LMF1: variants seen among roughly 807,000 people sequenced by gnomAD.
The protein encoded by LMF1 is transmembrane protein 112.
In LMF1, 68 loss-of-function variants were observed where a neutral mutation model predicts 60.6. The observed-to-expected ratio is 1.12, with a 90% CI of 0.92 to 1.37. The LOEUF (loss-of-function observed/expected upper bound fraction) is 1.37, where lower values mean the gene tolerates loss of function less well. Ranked by LOEUF, LMF1 falls within the 40% of genes most tolerant of loss-of-function variation. LMF1 has a pLI of 0.00. For synonymous variants in LMF1, 418 were observed against 324.7 expected (o/e 1.29, Z -3.09); for missense variants, 948 against 767.2 (o/e 1.24, Z -2.78).
chr16:921,710 T>C (rs2151767150), intron 3 of LMF1, among the ~76,000 whole-genome samples: 1 of 152,204 alleles, frequency 6.6e-6, no homozygotes, highest in South Asian at 2.1e-4. Flanking sequence ...AGCCCCACCC[T>C]GATGTGCGCT....
chr16:905,132 G>A (rs561721638), intron 4 of LMF1: 34 of 162,514 alleles, frequency 2.1e-4, no homozygotes, highest in East Asian at 2.1e-3. Context: ...GGTGACCTCT[G>A]CACTGCCCAC....
chr16:915,583 G>A (rs1272722121), intron 3 of LMF1, among the ~76,000 whole-genome samples: 2 of 152,164 alleles, frequency 1.3e-5, no homozygotes, highest in South Asian at 4.1e-4. Flanking sequence ...TCTGGGCTGG[G>A]CTGGGCAGCC....
At chr16:931,203 A>T (rs2071773334) in intron 3 of LMF1, among the ~76,000 whole-genome samples, 1 of 152,136 alleles carries the variant, frequency 6.6e-6, no homozygotes, top group Admixed American at 6.5e-5. Flanking sequence ...CAGCCAACGC[A>T]ACCAAGGACT....
chr16:973,879 G>A (rs925972160), upstream of LMF1, among the ~76,000 whole-genome samples: 12 of 152,074 alleles, frequency 7.9e-5, no homozygotes, highest in Admixed American at 5.2e-4. Context: ...GCATGGTGGC[G>A]GGCGCCTGTA....
At chr16:964,667 G>C (rs1343055806) in intron 1 of LMF1, among the ~76,000 whole-genome samples, 1 of 152,244 alleles carries the variant, frequency 6.6e-6, no homozygotes, top group Non-Finnish European at 1.5e-5. Context: ...CAACTGAGCA[G>C]GGTTTCAAGT....
At chr16:965,863 G>C (rs1003517685) in intron 1 of LMF1, among the ~76,000 whole-genome samples, 1 of 152,138 alleles carries the variant, frequency 6.6e-6, no homozygotes, top group African/African-American at 2.4e-5. Flanking sequence ...ACCTGCTACG[G>C]GTCAGCACAT....
Position 878,086 on chromosome 16 carries a change from G to A in LMF1, c.897+1484C>T, listed in dbSNP as rs943713242. On this transcript the variant is annotated intron_variant, in intron 6 of 10. Transcript: ENST00000262301. The surrounding 1 kb of genome is among the most constrained non-coding windows in gnomAD (Gnocchi z 5.2). Reference sequence around the variant, plus strand: ...GAAGCTATTCCAGGAGCCCCCAGACGCGCGTGGGGTCCAGCCACATGGAAT... The same window carrying A: ...GAAGCTATTCCAGGAGCCCCCAGACACGCGTGGGGTCCAGCCACATGGAAT... 2.0e-5 allele frequency among the ~76,000 whole-genome samples: 3 copies of A among 151,906 alleles called. No individual in the cohort carries two copies. The highest frequency in any genetic ancestry group is 4.4e-5 in the Non-Finnish European group (3 of 67,996).
At chr16:932,832 G>C (rs960072) in intron 3 of LMF1, among the ~76,000 whole-genome samples, 52,781 of 151,766 alleles carry the variant, frequency 0.35, 10,590 homozygotes, top group African/African-American at 0.53. Context: ...CTGGCGCACT[G>C]CGGGGGAGGC....
chr16:918,978 C>T (rs1001394949), intron 3 of LMF1, among the ~76,000 whole-genome samples: 3 of 152,168 alleles, frequency 2.0e-5, no homozygotes, highest in Admixed American at 6.5e-5. Context: ...GACGAGCTCT[C>T]GGCACCTGCT....
At position 977,194 on chromosome 16, in the gene LMF1, C is replaced by T. The variant is rs904318693; in HGVS notation, c.-135+3951G>A. 1.5e-4 allele frequency: 65 copies of T among 431,704 alleles called. 5 individuals are homozygous for T. The highest frequency in any genetic ancestry group is 1.0e-3 in the South Asian group (64 of 61,098). 26.7% of individuals were successfully genotyped at this position (431,704 alleles called of 1,614,324 possible). On this transcript the variant is annotated intron_variant, in intron 1 of 6. Coordinates refer to the LMF1 transcript ENST00000570014. ...AAGGCCAGTTCTCAGGCAGACGCCA[C>T]CCCAGCCAACAGGCCAGCCTTGACC...
chr16:891,890 A>G (rs1239680789), intron 5 of LMF1, among the ~76,000 whole-genome samples: 1 of 152,214 alleles, frequency 6.6e-6, no homozygotes, highest in African/African-American at 2.4e-5. Context: ...CCATCCAGCC[A>G]AAGAGCTGAG....
intron 2 of LMF1, chr16:947,537 C>T (rs1209369634): frequency 2.2e-6 from 1 of 455,988 alleles, no homozygotes; most frequent in African/African-American, 2.0e-5. Flanking sequence ...TGAAGTGGAG[C>T]CACCATCCGT....
intron 1 of LMF1, among the ~76,000 whole-genome samples, chr16:963,739 T>C (rs989762354): frequency 6.6e-6 from 1 of 152,018 alleles, no homozygotes; most frequent in African/African-American, 2.4e-5. Context: ...GAAAACAAGA[T>C]GTGGCCTCAC....
At chr16:888,188 T>G (rs1181835889) in intron 5 of LMF1, among the ~76,000 whole-genome samples, 1 of 152,174 alleles carries the variant, frequency 6.6e-6, no homozygotes, top group Non-Finnish European at 1.5e-5. Context: ...GGGGTACTCC[T>G]GCAGGCAGCA....
intron 5 of LMF1, among the ~76,000 whole-genome samples, chr16:888,736 TGG>T (rs35181727): frequency 0.077 from 11,630 of 151,990 alleles, 750 homozygotes; most frequent in Admixed American, 0.15. Flanking sequence ...CCAGAAGCAC[TGG>T]GGGGGGTCCT....
chr16:908,803 C>A (rs1222754615), intron 4 of LMF1, among the ~76,000 whole-genome samples: 1 of 152,236 alleles, frequency 6.6e-6, no homozygotes, highest in Non-Finnish European at 1.5e-5. Flanking sequence ...ACCAACCTGT[C>A]AGGGATGCCC....
At chr16:929,963 T>C (rs1476655286) in intron 3 of LMF1, among the ~76,000 whole-genome samples, 70 of 131,074 alleles carry the variant, frequency 5.3e-4, no homozygotes, top group South Asian at 1.1e-3. Flanking sequence ...CAGTCGCCTC[T>C]GTCTGAACGG....
upstream of LMF1, chr16:975,889 G>T (rs1448092052): frequency 2.2e-6 from 1 of 453,580 alleles, no homozygotes; most frequent in Admixed American, 2.4e-5. Flanking sequence ...TTTCCTTTGT[G>T]GCATGCTTAT....
chr16:876,727 G>C (rs1376629890), intron 6 of LMF1, among the ~76,000 whole-genome samples: 3 of 151,516 alleles, frequency 2.0e-5, no homozygotes, highest in African/African-American at 4.8e-5. Context: ...AGGCGGGCTG[G>C]GCGGGCTGAG....
Sources: allele counts gnomAD v4.1 joint callset (sites outside exome capture counted in the v4.1 genomes callset), GRCh38; gene constraint gnomAD v4.1.1; non-coding constraint Gnocchi (gnomAD v3.1); transcripts MANE v1.5; gene names NCBI Gene and HGNC (gene_info 2026-07-23, HGNC 2026-07-21).